SCAPER: variants seen among roughly 807,000 people sequenced by gnomAD.
SCAPER encodes S-phase cyclin A associated protein in the ER.
In SCAPER, 98 loss-of-function variants were observed where a neutral mutation model predicts 182.2. The observed-to-expected ratio is 0.54, with a 90% CI of 0.46 to 0.64. The LOEUF is 0.64. Among genes scored for constraint, SCAPER ranks in the 30% least tolerant of loss-of-function variants. The pLI, the probability that SCAPER is intolerant of heterozygous loss-of-function variation, is 0.00. For synonymous variants in SCAPER, 605 were observed against 564.6 expected, an observed-to-expected ratio of 1.07 and a Z score of -1.01; for missense variants, 1,432 against 1,690.0, an observed-to-expected ratio of 0.85 and a Z score of 2.68.
Position 76,595,777 on chromosome 15 carries a change from C to A in SCAPER, c.2712-21493G>T, listed in dbSNP as rs184308744. 9.1e-4 allele frequency among the ~76,000 whole-genome samples: 111 copies of A among 121,916 alleles called. 36 individuals carry two copies. Among genetic ancestry groups the A allele is most frequent in the Non-Finnish European group, 1.8e-3 (91 of 50,166 alleles). 80.0% of individuals were successfully genotyped at this position (121,916 alleles called of 152,430 possible). A position where few individuals can be genotyped will look rare whatever the true frequency, so the allele number is the denominator to read the frequency against. ...TCTTTGAAACCAATGGGAAGAAATA[C>A]AAAATGTTCCAGAATCTCTGGGACA... is the stretch of plus-strand genomic sequence containing the variant. On this transcript the variant is annotated intron_variant, in intron 22 of 31. Transcript: ENST00000563290.
Position 76,745,301 on chromosome 15 carries a change from TA to T in SCAPER, c.1866+8506del, listed in dbSNP as rs1488851383. On this transcript the variant is annotated intron_variant, in intron 15 of 31. Transcript: ENST00000563290. ...CTAAAAAATAAAAAAATAAAAAAAT[TA>T]GCCAGGCGTGGTGGCGTGTGCTTGT... 7.2e-5 allele frequency among the ~76,000 whole-genome samples: 11 copies of T among 151,990 alleles called. 1 individual carries two copies. In the East Asian group the frequency reaches 2.1e-3, roughly 29 times the overall value.
intron 17 of SCAPER, among the ~76,000 whole-genome samples, chr15:76,720,336 C>G (rs1353625908): frequency 1.3e-5 from 2 of 152,036 alleles, no homozygotes; most frequent in Non-Finnish European, 2.9e-5. Context: ...CATTGTTGGA[C>G]ATTTGGGTTG....
chr15:76,428,916 A>C (rs1236420613), intron 26 of SCAPER, among the ~76,000 whole-genome samples: 2 of 142,422 alleles, frequency 1.4e-5, no homozygotes, highest in Non-Finnish European at 3.0e-5. Context: ...GTACTCAGTA[A>C]GTTTGTATAG....
At chr15:76,511,511 A>G (rs2042022209) in intron 23 of SCAPER, among the ~76,000 whole-genome samples, 2 of 152,310 alleles carry the variant, frequency 1.3e-5, no homozygotes, top group East Asian at 1.9e-4. Flanking sequence ...CAGTCTACAG[A>G]AAGAGATTCA....
intron 22 of SCAPER, among the ~76,000 whole-genome samples, chr15:76,614,539 AC>A (rs2051286736): frequency 6.6e-6 from 1 of 152,238 alleles, no homozygotes; most frequent in Admixed American, 6.5e-5. Context: ...TGAAAAATTC[AC>A]AAATTTGTGA....
rs1597185710 is a variant in SCAPER at position 76,523,869 on chromosome 15, T to C, written c.2839-18895A>G. 7.9e-5 allele frequency among the ~76,000 whole-genome samples: 12 copies of C among 151,754 alleles called. 1 individual carries two copies. In the South Asian group the frequency reaches 2.5e-3, roughly 31 times the overall value. The stretch of plus-strand genomic sequence containing the variant: ...ATAAATCAACAACCACCAATCCCAA[T>C]TGTTGTGTGTAACTTTGGTGACTTC... On this transcript the variant is annotated intron_variant, in intron 23 of 31. Transcript: ENST00000563290.
At chr15:76,869,305 G>C (rs1426262575) in intron 2 of SCAPER, among the ~76,000 whole-genome samples, 2 of 151,734 alleles carry the variant, frequency 1.3e-5, no homozygotes, top group African/African-American at 4.8e-5. Context: ...CATAACAAAG[G>C]AAATAATCAA....
intron 24 of SCAPER, among the ~76,000 whole-genome samples, chr15:76,497,989 C>CAAAAAAAAAAAAAAAAAAAA (rs747096625): frequency 3.4e-5 from 2 of 58,322 alleles, no homozygotes; most frequent in Admixed American, 3.2e-4. Context: ...GACTCCGTCT[C>CAAAAAAAAAAAAAAAAAAAA]AAAAAAAAAA....
chr15:76,676,719 A>G (rs931254339), intron 20 of SCAPER, among the ~76,000 whole-genome samples: 38 of 151,810 alleles, frequency 2.5e-4, no homozygotes, highest in Non-Finnish European at 4.4e-4. Flanking sequence ...TCATTGTATA[A>G]TGTTAAATAG....
In SCAPER at chr15:76,541,226, A is replaced by AAT. The variant is rs1555474398; in HGVS notation, c.2838+32930_2838+32931dup. Among the ~76,000 whole-genome samples the AAT allele has an allele frequency of 8.6e-5, 13 of 151,792 alleles. 1 individual carries two copies. Among genetic ancestry groups the AAT allele is most frequent in the Middle Eastern group, 3.4e-3 (1 of 294 alleles). On this transcript the variant is annotated intron_variant, in intron 23 of 31. Coordinates refer to ENST00000563290, the MANE Select transcript of SCAPER (RefSeq NM_020843.4). ...AGAAAAATAAAATGTTTTATTAAAA[A>AAT]ATATATATCTAAATATACACATATA...
At chr15:76,541,044 C>T (rs766199744) in intron 23 of SCAPER, among the ~76,000 whole-genome samples, 9 of 151,552 alleles carry the variant, frequency 5.9e-5, no homozygotes, top group Non-Finnish European at 1.0e-4. Flanking sequence ...TCCTTGAACC[C>T]GGGAGGCGGA....
At chr15:76,879,339 T>C (rs1222383519) in intron 2 of SCAPER, among the ~76,000 whole-genome samples, 1 of 152,196 alleles carries the variant, frequency 6.6e-6, no homozygotes, top group Admixed American at 6.5e-5. Context: ...TAAGCACCTT[T>C]TGTCCCTAAC....
intron 9 of SCAPER, 138 bp downstream of exon 9, chr15:76,774,717 G>T: frequency 2.5e-6 from 2 of 805,854 alleles, no homozygotes; most frequent in Non-Finnish European, 1.9e-6. Context: ...TTCTATTCTT[G>T]CCACTTTTCT....
chr15:76,781,414 T>C (rs890801238), intron 8 of SCAPER, among the ~76,000 whole-genome samples: 4 of 152,184 alleles, frequency 2.6e-5, no homozygotes, highest in Admixed American at 6.5e-5. Context: ...TACGTATGAC[T>C]GGTGTACGTG....
intron 22 of SCAPER, among the ~76,000 whole-genome samples, chr15:76,609,415 TG>T (rs1219772918): frequency 6.6e-6 from 1 of 151,954 alleles, no homozygotes; most frequent in Non-Finnish European, 1.5e-5. Context: ...TGAACCCAGG[TG>T]GCTGAGGTTA....
In SCAPER at chr15:76,765,447, C is replaced by T. The variant is rs374250617; in HGVS notation, c.1503G>A (p.Glu501=). 6.2e-7 allele frequency: 1 copy of T among 1,613,770 alleles called. No homozygotes were observed. The highest frequency in any genetic ancestry group is 8.5e-7 in the Non-Finnish European group (1 of 1,179,744). ...NDVLADYEAR[E]SWRQNTSWGD... ...CCCAGGATGTATTTTGGCGCCAAGA[C>T]TCACGAGCTGTTCAGAAAAAAATAC... Residue 501 remains glutamate, a synonymous_variant, in exon 13 of 32, where the codon GAG becomes GAA. Transcript: ENST00000563290.
chr15:76,648,251 G>A (rs762078696), intron 21 of SCAPER, among the ~76,000 whole-genome samples: 17 of 150,860 alleles, frequency 1.1e-4, no homozygotes, highest in South Asian at 6.2e-4. Flanking sequence ...TGGAACTCCT[G>A]GAGATGAAAA....
At position 76,841,783 on chromosome 15, in the gene SCAPER, T is replaced by A; in HGVS notation, c.344A>T (p.Asp115Val). 6.2e-7 allele frequency: 1 copy of A among 1,613,940 alleles called. No homozygotes were observed. Among genetic ancestry groups the A allele is most frequent in the Non-Finnish European group, 8.5e-7 (1 of 1,179,884 alleles). The change falls in exon 5 of 32, where the codon GAT becomes GTT. Residue 115 changes from aspartate to valine, a missense_variant. Physicochemically the swap from Asp to Val is radical, Grantham distance 152 (BLOSUM62 -3). Transcript: ENST00000563290. Reference sequence around the variant, plus strand: ...TGATTCGCAAGTTACATAGATTTCATCTACTGCTCGGCGAAGATTATCAAA... The same window carrying A: ...TGATTCGCAAGTTACATAGATTTCAACTACTGCTCGGCGAAGATTATCAAA... ...FLFDNLRRAV[D>V]EIYVTCESDQ...
At chr15:76,503,659 T>C (rs1336993026) in intron 24 of SCAPER, among the ~76,000 whole-genome samples, 1 of 152,296 alleles carries the variant, frequency 6.6e-6, no homozygotes, top group East Asian at 1.9e-4. Flanking sequence ...GAGGTGAATA[T>C]GATTACATTT....
Sources: gnomAD v4.1 joint callset for allele counts (sites outside exome capture counted in the v4.1 genomes callset) on GRCh38, gnomAD v4.1.1 for gene constraint, MANE v1.5 for transcripts, NCBI Gene and HGNC (gene_info 2026-07-23, HGNC 2026-07-21) for gene names.